C1RL: variants seen among roughly 807,000 people sequenced by gnomAD.
C1RL encodes complement C1r subcomponent like.
A neutral mutation model predicts 27.9 loss-of-function variants in C1RL; 27 were observed. The ratio of observed to expected loss-of-function variants is 0.97; its 90% CI spans 0.71 to 1.33. The LOEUF (loss-of-function observed/expected upper bound fraction) is 1.33, where lower values mean the gene tolerates loss of function less well. Ranked by LOEUF, C1RL falls within the 40% of genes most tolerant of loss-of-function variation. C1RL has a pLI of 0.00. For synonymous variants in C1RL, 248 were observed against 252.1 expected, an observed-to-expected ratio of 0.98 and a Z score of 0.15; for missense variants, 563 against 623.9, an observed-to-expected ratio of 0.90 and a Z score of 1.04.
chr12:7,105,035 G>C (rs1938724350), intron 2 of C1RL, among the ~76,000 whole-genome samples: 1 of 152,130 alleles, frequency 6.6e-6, no homozygotes, highest in Non-Finnish European at 1.5e-5. Flanking sequence ...CCCTCCACCA[G>C]GCCCTTTTCT....
In C1RL at chr12:7,104,553, C is replaced by T. The variant is rs145103938; in HGVS notation, c.301-2466G>A. Among the ~76,000 whole-genome samples, 56 of 152,324 alleles carry T rather than the reference C, an allele frequency of 3.7e-4. No individual in the cohort carries two copies. The highest frequency in any genetic ancestry group is 1.0e-3 in the African/African-American group (43 of 41,566). On this transcript the variant is annotated intron_variant, in intron 2 of 5. Transcript: ENST00000266542. The surrounding 1 kb of genome is among the most constrained non-coding windows in gnomAD (Gnocchi z 5.4). The stretch of plus-strand genomic sequence containing the variant: ...CACATCCCAAGCTGTGCCTGCTAGG[C>T]GACCTGGTATGTCTCCACGGTCCCA...
rs1278329144 is a variant in C1RL, at chr12:7,099,056, A to T, written c.691+630T>A. On this transcript the variant is annotated intron_variant, in intron 5 of 5. Coordinates refer to ENST00000266542, the MANE Select transcript of C1RL (RefSeq NM_016546.4). ...ACTAAAAATACAAAAAAAAAAAAAA[A>T]ATAAAATAAAATAAAAAAATGAGCT... Among the ~76,000 whole-genome samples the T allele has an allele frequency of 4.8e-5, 7 of 145,804 alleles. No individual in the cohort carries two copies. The South Asian group carries it at 1.5e-3, about 31-fold the overall frequency.
intron 2 of C1RL, among the ~76,000 whole-genome samples, chr12:7,103,583 T>C (rs1938684793): frequency 6.6e-6 from 1 of 152,208 alleles, no homozygotes; most frequent in Admixed American, 6.5e-5. Flanking sequence ...TTATTCACTC[T>C]CTCACTTATT....
chr12:7,102,010 C>T lies in C1RL; in HGVS notation c.378G>A (p.Arg126=). The T allele has an allele frequency of 1.2e-6, 2 of 1,614,224 alleles. No individual in the cohort carries two copies. Among genetic ancestry groups the T allele is most frequent in the South Asian group, 2.2e-5 (2 of 91,090 alleles). The change falls in exon 3 of 6, where the codon AGG becomes AGA. Residue 126 remains arginine (R), a synonymous_variant. Transcript: ENST00000266542. The part of the protein sequence containing the change: ...GSPLGRPPGQ[R]EFVSSGRSLR... ...AACTCCTCCCTGAGGATACAAACTC[C>T]CTCTGACCAGGGGGCCTGCCCAGAG...
Position 7,104,405 on chromosome 12 carries a change from G to A in C1RL, c.301-2318C>T, listed in dbSNP as rs1938706430. Among the ~76,000 whole-genome samples, 1 of 152,296 alleles carries A rather than the reference G, an allele frequency of 6.6e-6. No individual in the cohort carries two copies. The highest frequency in any genetic ancestry group is 3.4e-3 in the Middle Eastern group (1 of 294). On this transcript the variant is annotated intron_variant, in intron 2 of 5. Coordinates refer to ENST00000266542, the MANE Select transcript of C1RL (RefSeq NM_016546.4). This position sits in a 1 kb window ranked among gnomAD's most constrained non-coding sequence, Gnocchi z 5.4. ...GTGCAGCAGGTCCATGAATAACATC[G>A]TCGTTTCATTATGACGTTGACGAGA...
rs1014592016 is a variant in C1RL, at chr12:7,094,655, T to G, written c.*1736A>C. The G allele has an allele frequency of 1.7e-5, 17 of 978,482 alleles. No homozygotes were observed. In the East Asian group the frequency reaches 1.4e-3, roughly 79 times the overall value. 60.6% of individuals were successfully genotyped at this position (978,482 alleles called of 1,614,324 possible). A position where few individuals can be genotyped will look rare whatever the true frequency, so the allele number is the denominator to read the frequency against. ...ATAAAATAAAAACATTTCATGCTCA[T>G]TAAACAAATTTTAGCCAATAGAGAA... On this transcript the variant is annotated 3_prime_UTR_variant, in exon 6 of 6. Transcript: ENST00000266542.
In C1RL at chr12:7,095,118, A is replaced by G. The variant is rs1436267751; in HGVS notation, c.*1273T>C. ...TGTCTTTCACTGTAAATCACCTCCA[A>G]TCTTTTTTTTTTGGGGGGGATGAAG... is the stretch of plus-strand genomic sequence containing the variant. On this transcript the variant is annotated 3_prime_UTR_variant, in exon 6 of 6. Transcript: ENST00000266542. The G allele has an allele frequency of 5.7e-6, 7 of 1,237,060 alleles. No homozygotes were observed. The African/African-American group carries it at 8.1e-5, about 14-fold the overall frequency. The allele number at this position is 1,237,060 out of a possible 1,614,324, so 76.6% of individuals were successfully genotyped here. A position where few individuals can be genotyped will look rare whatever the true frequency, so the allele number is the denominator to read the frequency against.
rs1189832448 is a variant in C1RL at position 7,101,920 on chromosome 12, G to A, written c.468C>T (p.Phe156=). ...CACCCACGGTTTGGTAGAGGGCCAGGAAGCCCTTGTGGAGGTGGGCAGTCT... is the reference window on the plus strand; with the variant it reads ...CACCCACGGTTTGGTAGAGGGCCAGAAAGCCCTTGTGGAGGTGGGCAGTCT... The part of the protein sequence containing the change: ...ENKTAHLHKG[F]LALYQTVAVN... The change falls in exon 3 of 6, where the codon TTC becomes TTT. Residue 156 remains phenylalanine (F), a synonymous_variant. Transcript: ENST00000266542. 1 of 1,614,098 alleles carries A rather than the reference G, an allele frequency of 6.2e-7. No homozygotes were observed. The highest frequency in any genetic ancestry group is 8.5e-7 in the Non-Finnish European group (1 of 1,180,046).
chr12:7,097,812 A>C (rs1055690701), intron 5 of C1RL, among the ~76,000 whole-genome samples: 6 of 152,084 alleles, frequency 3.9e-5, no homozygotes, highest in African/African-American at 1.4e-4. Flanking sequence ...CTGGGCCCCC[A>C]TACTACAGGC....
At chr12:7,098,986 A>C (rs1208277969) in intron 5 of C1RL, among the ~76,000 whole-genome samples, 1 of 151,790 alleles carries the variant, frequency 6.6e-6, no homozygotes, top group African/African-American at 2.4e-5. Flanking sequence ...ACCTGAGGTC[A>C]GGAGTTCAAG....
chr12:7,101,823 C>T, intron 3 of C1RL, 75 bp downstream of exon 3: 1 of 1,486,300 alleles, frequency 6.7e-7, no homozygotes, highest in South Asian at 1.1e-5. Context: ...CAAGCTTCCA[C>T]TTAAGGCTTG....
In C1RL at chr12:7,099,974, G is replaced by A; in HGVS notation, c.543C>T (p.Ile181=). 1 of 1,613,990 alleles carries A rather than the reference G, an allele frequency of 6.2e-7. No homozygotes were observed. Among genetic ancestry groups the A allele is most frequent in the Non-Finnish European group, 8.5e-7 (1 of 1,179,984 alleles). ...ISEASRGSEA[I]NAPGDNPAKV... ...TGGCAGGGTTGTCTCCAGGTGCGTTGATGGCCTCAGAGCCCCTGCTGGCCT... is the reference window on the plus strand; with the variant it reads ...TGGCAGGGTTGTCTCCAGGTGCGTTAATGGCCTCAGAGCCCCTGCTGGCCT... Residue 181 remains isoleucine, a synonymous_variant, in exon 4 of 6, where the codon ATC becomes ATT. Coordinates refer to ENST00000266542, the MANE Select transcript of C1RL (RefSeq NM_016546.4).
At position 7,094,924 on chromosome 12, in the gene C1RL, A is replaced by G. The variant is rs1266135454; in HGVS notation, c.*1467T>C. 2.0e-5 allele frequency: 22 copies of G among 1,081,532 alleles called. No homozygotes were observed. Among genetic ancestry groups the G allele is most frequent in the Non-Finnish European group, 2.5e-5 (22 of 885,790 alleles). 67.0% of individuals were successfully genotyped at this position (1,081,532 alleles called of 1,614,324 possible). A position where few individuals can be genotyped will look rare whatever the true frequency, so the allele number is the denominator to read the frequency against. ...TCTTTTGTACTGTATGTGGGTGTAA[A>G]AAACAGAAGTAATCACATGTATGTA... is the stretch of plus-strand genomic sequence containing the variant. On this transcript the variant is annotated 3_prime_UTR_variant, in exon 6 of 6. Transcript: ENST00000266542.
At position 7,101,893 on chromosome 12, in the gene C1RL, C is replaced by A. The variant is rs1183556451; in HGVS notation, c.490+5G>T. ...CCTCCCTGCACCCCCAGGAGGGACA[C>A]TCACCCACGGTTTGGTAGAGGGCCA... On this transcript the variant is annotated splice_donor_5th_base_variant and intron_variant, in intron 3 of 5. Coordinates refer to ENST00000266542, the MANE Select transcript of C1RL (RefSeq NM_016546.4). 6.2e-7 allele frequency: 1 copy of A among 1,613,946 alleles called. No homozygotes were observed. The highest frequency in any genetic ancestry group is 1.3e-5 in the African/African-American group (1 of 74,940).
At chr12:7,108,226 G>A (rs779679068) in intron 2 of C1RL, 25 bp downstream of exon 2, 1 of 1,562,380 alleles carries the variant, frequency 6.4e-7, no homozygotes, top group East Asian at 2.3e-5. Flanking sequence ...CAGTCCTGGC[G>A]GGACCCCCCC....
intron 2 of C1RL, among the ~76,000 whole-genome samples, chr12:7,105,269 CT>C (rs146287089): frequency 0.18 from 26,293 of 147,348 alleles, 2,570 homozygotes; most frequent in East Asian, 0.4. Context: ...GTGCTCCACT[CT>C]TTTTTTTTTT....
chr12:7,107,872 T>C (rs1938808909), intron 2 of C1RL, among the ~76,000 whole-genome samples: 1 of 152,252 alleles, frequency 6.6e-6, no homozygotes, highest in Non-Finnish European at 1.5e-5. Context: ...TTTGTTATTA[T>C]TTGTGTCCAG....
In C1RL at chr12:7,095,544, A is replaced by G. The variant is rs901269090; in HGVS notation, c.*847T>C. 5 of 985,888 alleles carry G rather than the reference A, an allele frequency of 5.1e-6. No individual in the cohort carries two copies. In the African/African-American group the frequency reaches 8.7e-5, roughly 17 times the overall value. 61.1% of individuals were successfully genotyped at this position (985,888 alleles called of 1,614,324 possible). On this transcript the variant is annotated 3_prime_UTR_variant, in exon 6 of 6. Transcript: ENST00000266542. ...AGTGCTGGGCTCACCTGGCTTCTGC[A>G]GGAGATGGGGCCATTAGGAAAGTGT...
At chr12:7,108,904 C>T (rs1938847948) in intron 1 of C1RL, 1 of 573,962 alleles carries the variant, frequency 1.7e-6, no homozygotes, top group Non-Finnish European at 3.1e-6. Context: ...AAATTTCAGT[C>T]TCCCCATGGA....
Sources: gnomAD v4.1 joint callset for allele counts (sites outside exome capture counted in the v4.1 genomes callset) on GRCh38, gnomAD v4.1.1 for gene constraint, Gnocchi (gnomAD v3.1) non-coding constraint, MANE v1.5 for transcripts, NCBI Gene and HGNC (gene_info 2026-07-23, HGNC 2026-07-21) for gene names.